ZNF540: variants seen among roughly 807,000 people sequenced by gnomAD.
The protein encoded by ZNF540 is zinc finger protein 540.
ZNF540 carries 3 observed loss-of-function variants against 11.8 expected under a neutral mutation model. The observed-to-expected ratio is 0.25, with a 90% CI of 0.12 to 0.65. The LOEUF is 0.65. Ranked by LOEUF, ZNF540 falls within the 30% of genes least tolerant of loss-of-function variation. The probability of loss-of-function intolerance (pLI) is 0.83; values close to 1 mark genes in which losing one functional copy is unlikely to be tolerated. For synonymous variants in ZNF540, 247 were observed against 259.0 expected (o/e 0.95, Z 0.45); for missense variants, 709 against 793.1 (o/e 0.89, Z 1.27).
intron 1 of ZNF540, among the ~76,000 whole-genome samples, chr19:37,571,964 ATCT>A (rs1281905773): frequency 6.6e-6 from 1 of 152,248 alleles, no homozygotes; most frequent in Admixed American, 6.5e-5. Flanking sequence ...TTTAAATTAT[ATCT>A]TTTTTTATGA....
intron 4 of ZNF540, among the ~76,000 whole-genome samples, chr19:37,609,256 A>G (rs2044108376): frequency 6.6e-6 from 1 of 152,214 alleles, no homozygotes; most frequent in South Asian, 2.1e-4. Context: ...TAAAGAAAGT[A>G]CAGTGGGCCG....
At position 37,564,614 on chromosome 19, in the gene ZNF540, G is replaced by A. The variant is rs544449090; in HGVS notation, c.-73+12949G>A. 153 of 1,540,024 alleles carry A rather than the reference G, an allele frequency of 9.9e-5. 3 individuals are homozygous for A. In the South Asian group the frequency reaches 1.7e-3, roughly 17 times the overall value. On this transcript the variant is annotated intron_variant, in intron 1 of 4. Coordinates refer to the ZNF540 transcript ENST00000592533. ...AAGGCTTTCTCAATTATGAAGCCTTGTATGTTGAGTAAGTTGTGAAGGACA... is the reference window on the plus strand; with the variant it reads ...AAGGCTTTCTCAATTATGAAGCCTTATATGTTGAGTAAGTTGTGAAGGACA...
At chr19:37,609,975 C>A (rs981871224) in intron 4 of ZNF540, among the ~76,000 whole-genome samples, 3 of 152,150 alleles carry the variant, frequency 2.0e-5, no homozygotes, top group Non-Finnish European at 2.9e-5. Flanking sequence ...AGGCAGTGAA[C>A]AACAGGATTG....
At chr19:37,565,428 G>T in intron 1 of ZNF540, 1 of 1,613,116 alleles carries the variant, frequency 6.2e-7, no homozygotes. Context: ...CATATGTAAG[G>T]CTTTTCACCA....
rs1268162467 is a variant in ZNF540 at position 37,612,385 on chromosome 19, T to TA, written c.1106dup (p.Tyr369Ter). Residue 369 changes from tyrosine to a stop codon, truncating the protein, a stop_gained and frameshift_variant, in exon 5 of 5, where the codon TAC (tyrosine) becomes TAAC (stop). Coordinates refer to ENST00000316433, the MANE Select transcript of ZNF540 (RefSeq NM_001172225.3). LOFTEE classifies it low-confidence loss of function (END_TRUNC). ...ECGKTFRLSF[Y>*]LTEHRRTHAG... Reference sequence around the variant, plus strand: ...TGGAAAGACCTTTAGACTTAGTTTTTACCTTACTGAACACAGAAGAACTCA... The same window carrying TA: ...TGGAAAGACCTTTAGACTTAGTTTTTAACCTTACTGAACACAGAAGAACTCA... 2.5e-6 allele frequency: 4 copies of TA among 1,613,858 alleles called. No individual in the cohort carries two copies. The highest frequency in any genetic ancestry group is 2.5e-6 in the Non-Finnish European group (3 of 1,179,996).
rs1403440121 is a variant in ZNF540, at chr19:37,613,077, AATTC to A, written c.1800_1803del (p.His601LeufsTer58). ...GTGTAGACCTTAGAATACATCAAAG[AATTC>A]ATACTGGTGAGAAACCCTATGAGTG... is the stretch of plus-strand genomic sequence containing the variant. On this transcript the variant is annotated frameshift_variant, in exon 5 of 5. Transcript: ENST00000316433. LOFTEE classifies it low-confidence loss of function (END_TRUNC). The A allele has an allele frequency of 6.2e-7, 1 of 1,614,042 alleles. No homozygotes were observed. The highest frequency in any genetic ancestry group is 1.3e-5 in the African/African-American group (1 of 75,022).
In ZNF540 at chr19:37,612,293, T is replaced by C. The variant is rs1201901441; in HGVS notation, c.1013T>C (p.Val338Ala). Residue 338 changes from valine (V) to alanine (A), a missense_variant, in exon 5 of 5, where the codon GTA (valine) becomes GCA (alanine). Physicochemically the swap from Val to Ala is moderately conservative, Grantham distance 64. Transcript: ENST00000316433. Reference protein sequence around the residue: ...ECKECGKAFSVCGQLTRHQKI... With the variant: ...ECKECGKAFSACGQLTRHQKI... ...AAGGAGTGTGGGAAAGCTTTTAGTG[T>C]ATGCGGACAACTTACCCGTCATCAG... is the stretch of plus-strand genomic sequence containing the variant. The C allele has an allele frequency of 6.2e-7, 1 of 1,613,974 alleles. No individual in the cohort carries two copies. The highest frequency in any genetic ancestry group is 8.5e-7 in the Non-Finnish European group (1 of 1,179,992).
At chr19:37,566,015 A>G (rs2042844678) in intron 1 of ZNF540, 2 of 1,613,938 alleles carry the variant, frequency 1.2e-6, no homozygotes, top group African/African-American at 1.3e-5. Context: ...ACATTTGTAC[A>G]ATTTTTCCTT....
chr19:37,569,249 G>A lies in ZNF540; in HGVS notation c.-73+17584G>A, dbSNP rs957195950. 2.0e-5 allele frequency among the ~76,000 whole-genome samples: 3 copies of A among 152,014 alleles called. No homozygotes were observed. Among genetic ancestry groups the A allele is most frequent in the Non-Finnish European group, 2.9e-5 (2 of 68,004 alleles). ...ATTACAGGCATGAGTCACTGCGCCT[G>A]GCCCCAAAGCATCCGGAACCACAAC... On this transcript the variant is annotated intron_variant, in intron 1 of 4. Transcript: ENST00000592533. This position sits in a 1 kb window ranked among gnomAD's most constrained non-coding sequence, Gnocchi z 4.4.
At position 37,613,115 on chromosome 19, in the gene ZNF540, G is replaced by A; in HGVS notation, c.1835G>A (p.Cys612Tyr). 6.2e-7 allele frequency: 1 copy of A among 1,614,060 alleles called. No homozygotes were observed. Among genetic ancestry groups the A allele is most frequent in the Admixed American group, 1.7e-5 (1 of 60,012 alleles). Residue 612 changes from cysteine (C) to tyrosine (Y), a missense_variant, in exon 5 of 5, where the codon TGT (cysteine) becomes TAT (tyrosine). Transcript: ENST00000316433. ...TGEKPYECKQ[C>Y]GKAFRLNSHL... ...GAGAAACCCTATGAGTGTAAACAAT[G>A]TGGGAAGGCCTTTAGACTTAATTCA...
intron 4 of ZNF540, among the ~76,000 whole-genome samples, chr19:37,608,429 G>T (rs1452176212): frequency 6.6e-6 from 1 of 152,108 alleles, no homozygotes; most frequent in African/African-American, 2.4e-5. Flanking sequence ...CCATCTGGAT[G>T]TTGTCTATTT....
chr19:37,565,106 T>A, intron 1 of ZNF540: 1 of 1,613,428 alleles, frequency 6.2e-7, no homozygotes, highest in Non-Finnish European at 8.5e-7. Flanking sequence ...CTCACCTGTA[T>A]GAATTCTCTG....
intron 1 of ZNF540, among the ~76,000 whole-genome samples, chr19:37,578,136 T>A (rs893915037): frequency 5.9e-5 from 9 of 152,006 alleles, no homozygotes; most frequent in Non-Finnish European, 1.2e-4. Context: ...CCCAAACCAG[T>A]CCGCCCTTCC....
chr19:37,590,383 C>T (rs2043833002), upstream of ZNF540, among the ~76,000 whole-genome samples: 2 of 152,132 alleles, frequency 1.3e-5, no homozygotes, highest in East Asian at 1.9e-4. Flanking sequence ...CGCCACCGCA[C>T]TCCAGCCTGG....
rs2044151342 is a variant in ZNF540 at position 37,613,805 on chromosome 19, TC to T, written c.*545del. Reference sequence around the variant, plus strand: ...TCTGTTATGGGCTGAATGTTTGTGTTCCCGTAACAATTCCTATGTTGAAACA... The same window carrying T: ...TCTGTTATGGGCTGAATGTTTGTGTTCCGTAACAATTCCTATGTTGAAACA... On this transcript the variant is annotated 3_prime_UTR_variant, in exon 5 of 5. Transcript: ENST00000316433. 2.5e-6 allele frequency: 1 copy of T among 398,548 alleles called. No homozygotes were observed. The highest frequency in any genetic ancestry group is 4.4e-6 in the Non-Finnish European group (1 of 226,092). The allele number at this position is 398,548 out of a possible 1,614,324, so 24.7% of individuals were successfully genotyped here. A position where few individuals can be genotyped will look rare whatever the true frequency, so the allele number is the denominator to read the frequency against.
intron 4 of ZNF540, among the ~76,000 whole-genome samples, chr19:37,610,780 A>T (rs1382750293): frequency 2.6e-5 from 4 of 152,200 alleles, no homozygotes; most frequent in African/African-American, 7.2e-5. Context: ...TTCTAAGAGT[A>T]AAGAAAAACT....
At chr19:37,591,987 G>A (rs2043882251), upstream of ZNF540, among the ~76,000 whole-genome samples, 1 of 152,116 alleles carries the variant, frequency 6.6e-6, no homozygotes, top group Admixed American at 6.5e-5. Flanking sequence ...GCCAGGCGCG[G>A]TGCCTCACAC....
chr19:37,604,704 G>T (rs528266279), intron 4 of ZNF540, among the ~76,000 whole-genome samples: 2 of 152,130 alleles, frequency 1.3e-5, no homozygotes, highest in South Asian at 4.2e-4. Context: ...GGACAAACAC[G>T]TGAGTCTTGT....
chr19:37,554,831 C>A (rs2042642972), intron 1 of ZNF540: 1 of 152,124 alleles, frequency 6.6e-6, no homozygotes, highest in East Asian at 1.9e-4. Context: ...ACGGCTAACG[C>A]TCAAAATTCT....
Sources: allele counts gnomAD v4.1 joint callset (sites outside exome capture counted in the v4.1 genomes callset), GRCh38; gene constraint gnomAD v4.1.1; non-coding constraint Gnocchi (gnomAD v3.1); transcripts MANE v1.5; gene names NCBI Gene and HGNC (gene_info 2026-07-23, HGNC 2026-07-21).